ANO10: variants seen among roughly 807,000 people sequenced by gnomAD.
ANO10 encodes anoctamin 10.
Under a neutral mutation model 74.7 loss-of-function variants are expected in ANO10, and 77 were observed. That is an observed-to-expected ratio of 1.03 (90% CI 0.86 to 1.25). ANO10 has a LOEUF of 1.25. Ranked by LOEUF, ANO10 falls within the 50% of genes most tolerant of loss-of-function variation. ANO10 has a pLI of 0.00. For missense variants in ANO10, 721 were observed against 778.1 expected, an observed-to-expected ratio of 0.93 and a Z score of 0.87; for synonymous variants, 279 against 284.9, an observed-to-expected ratio of 0.98 and a Z score of 0.21.
intron 12 of ANO10, among the ~76,000 whole-genome samples, chr3:43,368,412 T>C (rs2091485302): frequency 6.6e-6 from 1 of 152,186 alleles, no homozygotes; most frequent in African/African-American, 2.4e-5. Context: ...CACTGCAAGA[T>C]TTCTATAACC....
At chr3:43,680,424 G>C (rs964473751) in intron 1 of ANO10, among the ~76,000 whole-genome samples, 3 of 152,162 alleles carry the variant, frequency 2.0e-5, no homozygotes, top group African/African-American at 4.8e-5. Flanking sequence ...AAGAAATATG[G>C]GACTATGTGA....
At chr3:43,427,114 G>A (rs1318391270) in intron 12 of ANO10, among the ~76,000 whole-genome samples, 1 of 152,076 alleles carries the variant, frequency 6.6e-6, no homozygotes, top group Non-Finnish European at 1.5e-5. Flanking sequence ...CCCATAGACT[G>A]GGGAATCCAG....
At chr3:43,653,606 G>T (rs892064300) in intron 1 of ANO10, among the ~76,000 whole-genome samples, 5 of 152,202 alleles carry the variant, frequency 3.3e-5, no homozygotes, top group African/African-American at 1.2e-4. Context: ...TCAAAAGAAT[G>T]TGTACAAGGT....
At chr3:43,505,613 T>C (rs2077266157) in intron 11 of ANO10, among the ~76,000 whole-genome samples, 2 of 152,342 alleles carry the variant, frequency 1.3e-5, no homozygotes, top group South Asian at 4.1e-4. Context: ...TTCCAGTAAG[T>C]CATCTTTCAG....
At chr3:43,409,709 T>C (rs2148889254) in intron 12 of ANO10, among the ~76,000 whole-genome samples, 1 of 152,312 alleles carries the variant, frequency 6.6e-6, no homozygotes, top group South Asian at 2.1e-4. Flanking sequence ...TTTTACCAGT[T>C]ACTTTTAATA....
chr3:43,596,608 T>G (rs149375703), intron 4 of ANO10, among the ~76,000 whole-genome samples: 1,776 of 152,144 alleles, frequency 0.012, 33 homozygotes, highest in African/African-American at 0.04. Flanking sequence ...ATACAAAAAT[T>G]AATTCAAGAT....
At chr3:43,549,970 C>A in intron 10 of ANO10, 122 bp from the exon 11 acceptor site, 1 of 1,178,166 alleles carries the variant, frequency 8.5e-7, no homozygotes. Flanking sequence ...ATTCCAAGTA[C>A]ATTTTAAATT....
intron 2 of ANO10, among the ~76,000 whole-genome samples, chr3:43,604,113 T>A (rs2082452674): frequency 6.6e-6 from 1 of 152,192 alleles, no homozygotes; most frequent in Non-Finnish European, 1.5e-5. Flanking sequence ...ATAATAATAG[T>A]ATATATTCAT....
At chr3:43,485,281 C>T in intron 11 of ANO10, 1 of 601,314 alleles carries the variant, frequency 1.7e-6, no homozygotes, top group African/African-American at 1.8e-5. Context: ...CGCCCTTTGC[C>T]ACCGTCGCAG....
intron 12 of ANO10, among the ~76,000 whole-genome samples, chr3:43,411,360 A>G (rs2092662287): frequency 6.6e-6 from 1 of 152,176 alleles, no homozygotes; most frequent in Admixed American, 6.5e-5. Context: ...ACAGCCCTTC[A>G]AAAGCAGATC....
chr3:43,382,258 G>A (rs1030632983), intron 12 of ANO10, among the ~76,000 whole-genome samples: 4 of 152,118 alleles, frequency 2.6e-5, no homozygotes, highest in African/African-American at 4.8e-5. Context: ...GGTGGCTCAC[G>A]CCTGTAATCC....
chr3:43,565,816 T>C (rs1179028041), intron 7 of ANO10, 89 bp from the exon 8 acceptor site: 3 of 1,429,756 alleles, frequency 2.1e-6, no homozygotes, highest in African/African-American at 1.4e-5. Flanking sequence ...AAAAATGTAA[T>C]GGGAGCGGGG....
Position 43,366,951 on chromosome 3 carries a change from G to GT in ANO10, c.1937dup (p.Asn646LysfsTer50). 6.2e-7 allele frequency: 1 copy of GT among 1,602,522 alleles called. No homozygotes were observed. Among genetic ancestry groups the GT allele is most frequent in the Non-Finnish European group, 8.5e-7 (1 of 1,174,502 alleles). On this transcript the variant is annotated frameshift_variant, in exon 13 of 13. Coordinates refer to ENST00000292246, the MANE Select transcript of ANO10 (RefSeq NM_018075.5). LOFTEE classifies it high-confidence loss of function. Reference sequence around the variant, plus strand: ...CGCTTTCCATTGGTTCCTCCTTCAGGTTCTCGGTCACGAGCTTCATTTGCT... The same window carrying GT: ...CGCTTTCCATTGGTTCCTCCTTCAGGTTTCTCGGTCACGAGCTTCATTTGCT...
At chr3:43,670,458 T>A (rs1269116617) in intron 1 of ANO10, among the ~76,000 whole-genome samples, 2 of 152,190 alleles carry the variant, frequency 1.3e-5, no homozygotes, top group Non-Finnish European at 2.9e-5. Flanking sequence ...TATTTTTACA[T>A]AATGTTTATA....
At position 43,684,330 on chromosome 3, in the gene ANO10, A is replaced by G. The variant is rs565820149; in HGVS notation, c.-12+7187T>C. ...ATGCAGCCAAAAGACACATGAAAAA[A>G]TGCTCATCATCACTGGTTATCAGAG... On this transcript the variant is annotated intron_variant, in intron 1 of 3. Transcript: ENST00000413397. Among the ~76,000 whole-genome samples the G allele has an allele frequency of 3.6e-3, 549 of 152,368 alleles. 1 individual carries two copies. Among genetic ancestry groups the G allele is most frequent in the Non-Finnish European group, 6.0e-3 (411 of 68,038 alleles).
intron 10 of ANO10, among the ~76,000 whole-genome samples, chr3:43,550,150 C>T (rs372431057): frequency 6.6e-6 from 1 of 152,230 alleles, no homozygotes; most frequent in East Asian, 1.9e-4. Flanking sequence ...CTACTCACAT[C>T]TAAGGGGAAT....
intron 12 of ANO10, among the ~76,000 whole-genome samples, chr3:43,431,245 G>A (rs1033180788): frequency 6.6e-6 from 1 of 151,488 alleles, no homozygotes; most frequent in African/African-American, 2.4e-5. Flanking sequence ...GCTAATTTTT[G>A]TATTTTTTGT....
Position 43,432,944 on chromosome 3 carries a change from C to CTTTTTTTTTTTTTTTTTTTTTT in ANO10, c.1798-239_1798-218dup, listed in dbSNP as rs5848663. Among the ~76,000 whole-genome samples, 32 of 55,284 alleles carry CTTTTTTTTTTTTTTTTTTTTTT rather than the reference C, an allele frequency of 5.8e-4. 4 individuals carry two copies. The highest frequency in any genetic ancestry group is 8.7e-4 in the Non-Finnish European group (26 of 30,054). 36.3% of individuals were successfully genotyped at this position (55,284 alleles called of 152,430 possible). A position where few individuals can be genotyped will look rare whatever the true frequency, so the allele number is the denominator to read the frequency against. The stretch of plus-strand genomic sequence containing the variant: ...CAGTAATTACTGACTTTGCTTAATT[C>CTTTTTTTTTTTTTTTTTTTTTT]TTTTTTTTTTTTTTTTTTTTTTTTT... On this transcript the variant is annotated intron_variant, in intron 11 of 12. Transcript: ENST00000292246.
chr3:43,418,263 C>T (rs1378466279), intron 12 of ANO10, among the ~76,000 whole-genome samples: 4 of 151,986 alleles, frequency 2.6e-5, no homozygotes. Flanking sequence ...GGTGACAGGG[C>T]GAGACTGTCT....
Sources: gnomAD v4.1 joint callset for allele counts (sites outside exome capture counted in the v4.1 genomes callset) on GRCh38, gnomAD v4.1.1 for gene constraint, MANE v1.5 for transcripts, NCBI Gene and HGNC (gene_info 2026-07-23, HGNC 2026-07-21) for gene names.